The following ATP8B3 variants were observed in gnomAD, a reference collection of about 807,000 sequenced individuals.
ATP8B3 encodes the protein phospholipid-transporting ATPase IK.
Under a neutral mutation model 140.9 loss-of-function variants are expected in ATP8B3, and 141 were observed. The ratio of observed to expected loss-of-function variants is 1.00; its 90% confidence interval spans 0.87 to 1.15. ATP8B3 has a LOEUF of 1.15. Ranked by LOEUF, ATP8B3 falls within the 50% of genes most tolerant of loss-of-function variation. ATP8B3 has a pLI of 0.00. For missense variants in ATP8B3, 1,874 were observed against 1,740.6 expected (o/e 1.08, Z -1.36); for synonymous variants, 765 against 714.6 (o/e 1.07, Z -1.13).
At position 1,783,205 on chromosome 19, in the gene ATP8B3, G is replaced by T. The variant is rs1272638524; in HGVS notation, c.3726C>A (p.His1242Gln). Residue 1242 changes from histidine (H) to glutamine (Q), a missense_variant, in exon 29 of 29, where the codon CAC (histidine) becomes CAA (glutamine). By Grantham distance (24) the His-to-Gln change is conservative. Coordinates refer to ENST00000310127, the MANE Select transcript of ATP8B3 (RefSeq NM_138813.4). The part of the protein sequence containing the change: ...IFTMEPLPHV[H>Q]RESRARRSSY... ...TGGAACGGCGGGCACGAGACTCCCG[G>T]TGTACATGAGGCAAGGGCTCCATGG... The T allele has an allele frequency of 1.9e-6, 3 of 1,612,678 alleles. No homozygotes were observed. The highest frequency in any genetic ancestry group is 8.5e-7 in the Non-Finnish European group (1 of 1,179,392).
intron 24 of ATP8B3, among the ~76,000 whole-genome samples, chr19:1,788,368 G>T (rs548004783): frequency 7.8e-4 from 118 of 152,216 alleles, no homozygotes; most frequent in African/African-American, 2.7e-3. Context: ...AGCTCTGAGT[G>T]TGCCGGGCAC....
rs1429047556 is a variant in ATP8B3, at chr19:1,789,082, T to G, written c.2884A>C (p.Met962Leu). Reference sequence around the variant, plus strand: ...AAGTCGCTGTTCTGAACTGCCTGCATGCCCTCCTGGCCCGCCAGCCCCACG... The same window carrying G: ...AAGTCGCTGTTCTGAACTGCCTGCAGGCCCTCCTGGCCCGCCAGCCCCACG... ...VGVGLAGQEGMQAVQNSDFVL... is the reference protein window; with the variant it reads ...VGVGLAGQEGLQAVQNSDFVL... The change falls in exon 24 of 29, where the codon ATG becomes CTG. Residue 962 changes from methionine to leucine, a missense_variant. This residue lies in a region of ATP8B3 where 840 missense variants were observed against 760.9 expected (regional missense o/e 1.10). Transcript: ENST00000310127. 1.9e-6 allele frequency: 3 copies of G among 1,583,410 alleles called. No individual in the cohort carries two copies. Among genetic ancestry groups the G allele is most frequent in the Non-Finnish European group, 8.5e-7 (1 of 1,170,470 alleles).
rs2068989751 is a variant in ATP8B3 at position 1,805,713 on chromosome 19, G to A, written c.821+175C>T. Among the ~76,000 whole-genome samples, 1 of 152,192 alleles carries A rather than the reference G, an allele frequency of 6.6e-6. No individual in the cohort carries two copies. Among genetic ancestry groups the A allele is most frequent in the Non-Finnish European group, 1.5e-5 (1 of 68,016 alleles). On this transcript the variant is annotated intron_variant, in intron 9 of 28. Transcript: ENST00000310127. The surrounding 1 kb of genome is among the most constrained non-coding windows in gnomAD (Gnocchi z 5.2). ...CACAATGGAAACAATGGGGAGGGTG[G>A]GCGTCTTCCTCCCCTCAGTGCCTGG...
At chr19:1,784,467 ATTGTG>A (rs973254681) in intron 28 of ATP8B3, among the ~76,000 whole-genome samples, 5 of 152,156 alleles carry the variant, frequency 3.3e-5, no homozygotes, top group African/African-American at 1.2e-4. Context: ...GTGAGCCGAG[ATTGTG>A]CCACTGCACT....
intron 14 of ATP8B3, chr19:1,799,460 AGAGAG>A: frequency 3.4e-5 from 7 of 205,348 alleles, no homozygotes. Context: ...ACTCCGTCTC[AGAGAG>A]AAAAAAAAAA....
rs1314687145 is a variant in ATP8B3, at chr19:1,785,528, C to T, written c.3334G>A (p.Asp1112Asn). The T allele has an allele frequency of 1.3e-5, 21 of 1,613,062 alleles. No individual in the cohort carries two copies. Among genetic ancestry groups the T allele is most frequent in the Admixed American group, 1.7e-5 (1 of 60,034 alleles). ...ACCACGACCGCAAAGGACTGGTGGT[C>T]GCTGAAGCTGGCGGGTCCCGCCGTG... The part of the protein sequence containing the change: ...RDTAGPASFS[D>N]HQSFAVVVAL... Residue 1112 changes from aspartate to asparagine, a missense_variant, in exon 26 of 29, where the codon GAC (aspartate) becomes AAC (asparagine). Asp to Asn is a conservative substitution (Grantham distance 23). Around this residue, in one of 3 missense-constraint regions of ATP8B3, gnomAD observed 840 missense variants for 760.9 expected, o/e 1.10. Transcript: ENST00000310127.
rs1326327846 is a variant in ATP8B3, at chr19:1,794,506, C to G, written c.2055+1369G>C. Among the ~76,000 whole-genome samples the G allele has an allele frequency of 3.9e-5, 6 of 152,024 alleles. No individual in the cohort carries two copies. Among genetic ancestry groups the G allele is most frequent in the Non-Finnish European group, 8.8e-5 (6 of 67,988 alleles). On this transcript the variant is annotated intron_variant, in intron 18 of 28. Transcript: ENST00000310127. The surrounding 1 kb of genome is among the most constrained non-coding windows in gnomAD (Gnocchi z 4.8). Reference sequence around the variant, plus strand: ...CCCCAGCAGAACCTGTGAGGAGCCCCCAGGCTGGACGCAGAATCCTCTGGC... The same window carrying G: ...CCCCAGCAGAACCTGTGAGGAGCCCGCAGGCTGGACGCAGAATCCTCTGGC...
chr19:1,806,335 G>A lies in ATP8B3; in HGVS notation c.678-166C>T, dbSNP rs2069018766. The A allele has an allele frequency of 2.7e-6, 4 of 1,466,696 alleles. No individual in the cohort carries two copies. The highest frequency in any genetic ancestry group is 2.5e-5 in the East Asian group (1 of 40,370). 90.9% of individuals were successfully genotyped at this position (1,466,696 alleles called of 1,614,324 possible). A position where few individuals can be genotyped will look rare whatever the true frequency, so the allele number is the denominator to read the frequency against. On this transcript the variant is annotated intron_variant, in intron 7 of 28. Transcript: ENST00000310127. The surrounding 1 kb of genome is among the most constrained non-coding windows in gnomAD (Gnocchi z 5.6). Reference sequence around the variant, plus strand: ...CGGGCTCCCACCCCACTCCCCGCGGGTCCACGCTCCCACCCAGTGACCTCC... The same window carrying A: ...CGGGCTCCCACCCCACTCCCCGCGGATCCACGCTCCCACCCAGTGACCTCC...
Position 1,798,790 on chromosome 19 carries a change from T to C in ATP8B3, c.1552+1157A>G, listed in dbSNP as rs569391390. On this transcript the variant is annotated intron_variant, in intron 14 of 28. Transcript: ENST00000310127. ...AACAAAACTATTTTATTTTGTGATC[T>C]GAGAAATACTCAGCAATTCGAATTT... 2.0e-5 allele frequency: 3 copies of C among 151,824 alleles called. No homozygotes were observed. The East Asian group carries it at 5.8e-4, about 29-fold the overall frequency. 9.4% of individuals were successfully genotyped at this position (151,824 alleles called of 1,614,324 possible).
intron 16 of ATP8B3, 59 bp from the exon 17 acceptor site, chr19:1,796,324 G>C: frequency 1.4e-6 from 2 of 1,428,526 alleles, no homozygotes; most frequent in Non-Finnish European, 1.9e-6. Context: ...CATCTCCACA[G>C]TGCAGGGAGG....
chr19:1,811,099 T>A (rs1278555324), intron 2 of ATP8B3, among the ~76,000 whole-genome samples: 4 of 152,094 alleles, frequency 2.6e-5, no homozygotes, highest in Non-Finnish European at 4.4e-5. Context: ...CCTGCCCCTC[T>A]CCCCATGTGG....
At chr19:1,793,850 C>A (rs1372228034) in intron 18 of ATP8B3, among the ~76,000 whole-genome samples, 1 of 151,984 alleles carries the variant, frequency 6.6e-6, no homozygotes, top group African/African-American at 2.4e-5. Flanking sequence ...TCAAGCGATT[C>A]TCCTGCCTCA....
chr19:1,799,781 T>C (rs1318581300), intron 14 of ATP8B3, 166 bp downstream of exon 14: 2 of 701,070 alleles, frequency 2.9e-6, no homozygotes, highest in Non-Finnish European at 4.7e-6. Context: ...AAAAAAAAAT[T>C]TTCCTGGCCC....
rs565973839 is a variant in ATP8B3, at chr19:1,790,108, C to G, written c.2379-119G>C. The G allele has an allele frequency of 6.2e-5, 43 of 694,902 alleles. No homozygotes were observed. The African/African-American group carries it at 7.9e-4, about 13-fold the overall frequency. The allele number at this position is 694,902 out of a possible 1,614,324, so 43.0% of individuals were successfully genotyped here. On this transcript the variant is annotated intron_variant, in intron 21 of 28. Transcript: ENST00000310127. ...CCACTCCCCCACCCCTGCCCCTTCT[C>G]CTCCCCACTTCCCTCTTCCCCTCCC... is the stretch of plus-strand genomic sequence containing the variant.
At chr19:1,786,437 A>G (rs2068306257) in intron 25 of ATP8B3, among the ~76,000 whole-genome samples, 1 of 151,900 alleles carries the variant, frequency 6.6e-6, no homozygotes, top group Admixed American at 6.6e-5. Flanking sequence ...ATGGTGGTGC[A>G]CGCCTGTAAT....
At chr19:1,791,899 G>A (rs1419682850) in intron 19 of ATP8B3, 38 bp from the exon 20 acceptor site, 2 of 1,607,330 alleles carry the variant, frequency 1.2e-6, no homozygotes, top group Non-Finnish European at 1.7e-6. Flanking sequence ...AAGATGCTGA[G>A]CAGCCGTCCA....
chr19:1,787,140 C>A lies in ATP8B3; in HGVS notation c.3116G>T (p.Ser1039Ile). Residue 1039 changes from serine to isoleucine, a missense_variant, in exon 25 of 29, where the codon AGC becomes ATC. This residue lies in a region of ATP8B3 where 840 missense variants were observed against 760.9 expected (regional missense o/e 1.10). Coordinates refer to ENST00000310127, the MANE Select transcript of ATP8B3 (RefSeq NM_138813.4). ...WFLALFNLLY[S>I]TLPVLYIGLF... Reference sequence around the variant, plus strand: ...CCCAATGTAGAGAACTGGCAGGGTGCTGTACAGGAGGTTGAAAAGAGCCAG... The same window carrying A: ...CCCAATGTAGAGAACTGGCAGGGTGATGTACAGGAGGTTGAAAAGAGCCAG... 4.3e-6 allele frequency: 7 copies of A among 1,610,566 alleles called. No individual in the cohort carries two copies. The highest frequency in any genetic ancestry group is 5.1e-6 in the Non-Finnish European group (6 of 1,178,358).
intron 19 of ATP8B3, 59 bp from the exon 20 acceptor site, chr19:1,791,920 G>C (rs542589572): frequency 1.3e-6 from 2 of 1,598,592 alleles, no homozygotes; most frequent in African/African-American, 2.7e-5. Context: ...GCTCCCTGGC[G>C]GGGGCAGGAG....
rs1220230865 is a variant in ATP8B3 at position 1,807,422 on chromosome 19, G to A, written c.517-156C>T. Among the ~76,000 whole-genome samples, 1 of 151,398 alleles carries A rather than the reference G, an allele frequency of 6.6e-6. No homozygotes were observed. Among genetic ancestry groups the A allele is most frequent in the Non-Finnish European group, 1.5e-5 (1 of 67,894 alleles). On this transcript the variant is annotated intron_variant, in intron 5 of 28. Coordinates refer to ENST00000310127, the MANE Select transcript of ATP8B3 (RefSeq NM_138813.4). This position sits in a 1 kb window ranked among gnomAD's most constrained non-coding sequence, Gnocchi z 5.9. ...CCATCTCCTGCAACCCCCAGCCCTCGGGACAAACGCCCCGGCATCCCTCCA... is the reference window on the plus strand; with the variant it reads ...CCATCTCCTGCAACCCCCAGCCCTCAGGACAAACGCCCCGGCATCCCTCCA...
Sources: allele counts gnomAD v4.1 joint callset (sites outside exome capture counted in the v4.1 genomes callset), GRCh38; gene constraint gnomAD v4.1.1; regional missense constraint gnomAD v4.1.1; non-coding constraint Gnocchi (gnomAD v3.1); transcripts MANE v1.5; gene names NCBI Gene and HGNC (gene_info 2026-07-23, HGNC 2026-07-21).